SOX6: variants seen among roughly 807,000 people sequenced by gnomAD.
SOX6 encodes the protein transcription factor SOX-6.
In SOX6, 11 loss-of-function variants were observed where a neutral mutation model predicts 97.8. That is an observed-to-expected ratio of 0.11 (90% confidence interval 0.07 to 0.19). SOX6 has a LOEUF of 0.19. Ranked by LOEUF, SOX6 falls within the 10% of genes least tolerant of loss-of-function variation. SOX6 has a pLI of 1.00. For synonymous variants in SOX6, 360 were observed against 371.4 expected (o/e 0.97, Z 0.35); for missense variants, 810 against 1,039.5 (o/e 0.78, Z 3.04).
chr11:16,331,923 A>G (rs1393522009), intron 2 of SOX6, among the ~76,000 whole-genome samples: 2 of 152,160 alleles, frequency 1.3e-5, no homozygotes, highest in Non-Finnish European at 2.9e-5. Flanking sequence ...CTCTGGAAAG[A>G]AAAACTTTTC....
intron 13 of SOX6, among the ~76,000 whole-genome samples, chr11:15,995,006 TG>T (rs1322653260): frequency 2.0e-5 from 3 of 152,172 alleles, no homozygotes; most frequent in Non-Finnish European, 4.4e-5. Context: ...CTTCATAGCA[TG>T]GAGTGGCTAG....
At chr11:16,352,474 AAAGCC>A (rs1355533238) in intron 1 of SOX6, among the ~76,000 whole-genome samples, 1 of 152,136 alleles carries the variant, frequency 6.6e-6, no homozygotes, top group African/African-American at 2.4e-5. Flanking sequence ...TACTGATAAG[AAAGCC>A]AAGGCACAAA....
At chr11:16,168,338 ATGATAT>A in intron 6 of SOX6, among the ~76,000 whole-genome samples, 1 of 152,278 alleles carries the variant, frequency 6.6e-6, no homozygotes, top group African/African-American at 2.4e-5. Flanking sequence ...TTATAAAGAA[ATGATAT>A]TGTTCATTTT....
intron 1 of SOX6, among the ~76,000 whole-genome samples, chr11:16,393,667 T>C (rs910932626): frequency 9.9e-5 from 15 of 152,138 alleles, no homozygotes; most frequent in African/African-American, 3.1e-4. Flanking sequence ...CCCTAAGATA[T>C]CAGGCAAGGA....
At chr11:16,102,917 A>C (rs186242744) in intron 7 of SOX6, among the ~76,000 whole-genome samples, 16 of 152,240 alleles carry the variant, frequency 1.1e-4, no homozygotes, top group Admixed American at 5.2e-4. Context: ...GAAACCATAA[A>C]GATTCTAGAA....
At chr11:16,184,823 T>A (rs1851428873) in intron 5 of SOX6, among the ~76,000 whole-genome samples, 1 of 152,054 alleles carries the variant, frequency 6.6e-6, no homozygotes, top group African/African-American at 2.4e-5. Flanking sequence ...CAGCTCGAAG[T>A]CCAGAGAGAT....
intron 3 of SOX6, among the ~76,000 whole-genome samples, chr11:16,683,092 A>G (rs1297180755): frequency 6.6e-6 from 1 of 152,240 alleles, no homozygotes; most frequent in Non-Finnish European, 1.5e-5. Flanking sequence ...AGAGGACACA[A>G]ACAAATGGAA....
In SOX6 at chr11:16,225,478, C is replaced by CAA. The variant is rs11307642; in HGVS notation, c.535+9102_535+9103dup. ...AAAGTAGTAACTATGAATTGCTATT[C>CAA]AAAAAAAAAAAAAAAACAGAGTATT... On this transcript the variant is annotated intron_variant, in intron 4 of 15. Transcript: ENST00000683767. 6.6e-3 allele frequency among the ~76,000 whole-genome samples: 840 copies of CAA among 127,838 alleles called. 10 individuals carry two copies. The highest frequency in any genetic ancestry group is 0.019 in the Admixed American group (232 of 12,330). The allele number at this position is 127,838 out of a possible 152,430, so 83.9% of individuals were successfully genotyped here.
chr11:16,715,806 T>A (rs967780894), intron 2 of SOX6, among the ~76,000 whole-genome samples: 1 of 152,042 alleles, frequency 6.6e-6, no homozygotes, highest in African/African-American at 2.4e-5. Flanking sequence ...TTCCAACTAC[T>A]CTCAGTTCCT....
chr11:16,586,862 T>C (rs1174357045), intron 4 of SOX6, among the ~76,000 whole-genome samples: 4 of 152,256 alleles, frequency 2.6e-5, no homozygotes, highest in Non-Finnish European at 5.9e-5. Flanking sequence ...TTTTGCATTA[T>C]ACCATAACTG....
Position 16,196,426 on chromosome 11 carries a change from T to A in SOX6, c.536-9471A>T, listed in dbSNP as rs537588132. On this transcript the variant is annotated intron_variant, in intron 4 of 15. Coordinates refer to ENST00000683767, the MANE Select transcript of SOX6 (RefSeq NM_001367873.1). ...ACAGACAATGTAGCTGAGATTTTCCTTATAATCTATTTTTAAGGATGTTTT... is the reference window on the plus strand; with the variant it reads ...ACAGACAATGTAGCTGAGATTTTCCATATAATCTATTTTTAAGGATGTTTT... 5.3e-5 allele frequency among the ~76,000 whole-genome samples: 8 copies of A among 152,352 alleles called. No homozygotes were observed. The South Asian group carries it at 1.7e-3, about 32-fold the overall frequency.
chr11:16,683,726 T>C (rs1227503774), intron 3 of SOX6, among the ~76,000 whole-genome samples: 3 of 152,090 alleles, frequency 2.0e-5, no homozygotes, highest in South Asian at 2.1e-4. Flanking sequence ...AAAGCCAAAA[T>C]TGACAAATGG....
At chr11:16,540,359 A>G (rs1861385778) in intron 4 of SOX6, among the ~76,000 whole-genome samples, 1 of 152,154 alleles carries the variant, frequency 6.6e-6, no homozygotes, top group Admixed American at 6.5e-5. Flanking sequence ...CCCACAGCCA[A>G]TATCATACTG....
chr11:16,507,689 T>G (rs10832624), intron 4 of SOX6, among the ~76,000 whole-genome samples: 26,771 of 152,184 alleles, frequency 0.18, 2,751 homozygotes, highest in Admixed American at 0.31. Context: ...CTAGAAATGA[T>G]GCTGGGAAAA....
chr11:15,976,224 A>G (rs955027212), intron 15 of SOX6, among the ~76,000 whole-genome samples: 3 of 152,134 alleles, frequency 2.0e-5, no homozygotes, highest in Non-Finnish European at 4.4e-5. Context: ...TGCCTCTCCA[A>G]GCCTTCTGGG....
intron 4 of SOX6, among the ~76,000 whole-genome samples, chr11:16,579,336 G>A (rs957690656): frequency 1.3e-5 from 2 of 151,622 alleles, no homozygotes; most frequent in African/African-American, 4.8e-5. Flanking sequence ...AGTCCATCAA[G>A]GTACTTGATG....
intron 15 of SOX6, among the ~76,000 whole-genome samples, chr11:15,973,648 T>C (rs1168974590): frequency 3.3e-5 from 5 of 152,224 alleles, no homozygotes; most frequent in Admixed American, 2.6e-4. Flanking sequence ...AATGTCTACA[T>C]ATTTCCATGG....
intron 9 of SOX6, among the ~76,000 whole-genome samples, chr11:16,085,801 T>C (rs1247134996): frequency 6.6e-6 from 1 of 152,224 alleles, no homozygotes; most frequent in African/African-American, 2.4e-5. Context: ...ATGTGACAAC[T>C]GTTCATCACA....
intron 9 of SOX6, among the ~76,000 whole-genome samples, chr11:16,095,075 A>G (rs1243370954): frequency 6.6e-6 from 1 of 151,894 alleles, no homozygotes; most frequent in African/African-American, 2.4e-5. Flanking sequence ...TGCTAGATGC[A>G]ATTATTTTCA....
Sources: allele counts gnomAD v4.1 joint callset (sites outside exome capture counted in the v4.1 genomes callset), GRCh38; gene constraint gnomAD v4.1.1; transcripts MANE v1.5; gene names NCBI Gene and HGNC (gene_info 2026-07-23, HGNC 2026-07-21).